Variants in NDUFAF7 observed in about 807,000 individuals in gnomAD.
The protein encoded by NDUFAF7 is NADH:ubiquinone oxidoreductase complex assembly factor 7, also known as protein arginine methyltransferase NDUFAF7, mitochondrial.
A neutral mutation model predicts 47.2 loss-of-function variants in NDUFAF7; 48 were observed. The ratio of observed to expected loss-of-function variants is 1.02; its 90% CI spans 0.81 to 1.29. The LOEUF (loss-of-function observed/expected upper bound fraction) is 1.29. Ranked by LOEUF, NDUFAF7 falls within the 50% of genes most tolerant of loss-of-function variation. The pLI, the probability that NDUFAF7 is intolerant of heterozygous loss-of-function variation, is 0.00. For synonymous variants in NDUFAF7, 217 were observed against 190.0 expected (o/e 1.14, Z -1.17); for missense variants, 635 against 537.6 (o/e 1.18, Z -1.79).
the NDUFAF7 span, among the ~76,000 whole-genome samples, chr2:37,263,326 A>C: frequency 6.6e-6 from 1 of 152,112 alleles, no homozygotes; most frequent in Non-Finnish European, 1.5e-5. Flanking sequence ...TTTGTAATTT[A>C]TTTCTGCTTT....
rs189738341 is a variant in NDUFAF7, at chr2:37,236,551, C to T, written c.297+375C>T. 4.2e-3 allele frequency among the ~76,000 whole-genome samples: 637 copies of T among 151,650 alleles called. 5 individuals carry two copies. The highest frequency in any genetic ancestry group is 0.014 in the African/African-American group (595 of 41,332). On this transcript the variant is annotated intron_variant, in intron 3 of 9. Coordinates refer to ENST00000002125, the MANE Select transcript of NDUFAF7 (RefSeq NM_144736.5). ...CAGCACTTTGGGAGGCCGAGGCAGG[C>T]GGATCACAAGGTCAGGAGATCAAGA...
intron 2 of NDUFAF7, among the ~76,000 whole-genome samples, chr2:37,232,573 T>G (rs980589687): frequency 8.5e-5 from 13 of 152,154 alleles, no homozygotes; most frequent in African/African-American, 2.4e-4. Context: ...TGTGGATTCA[T>G]TGCTTTGGGA....
the NDUFAF7 span, among the ~76,000 whole-genome samples, chr2:37,261,579 G>A: frequency 6.6e-5 from 10 of 151,860 alleles, no homozygotes; most frequent in East Asian, 1.9e-4. Context: ...TCGGGAGTTC[G>A]AGACCAGCCT....
At chr2:37,260,652 C>T in the NDUFAF7 span, among the ~76,000 whole-genome samples, 1 of 152,154 alleles carries the variant, frequency 6.6e-6, no homozygotes, top group Non-Finnish European at 1.5e-5. Flanking sequence ...ACTTTTCCTT[C>T]CTTCTCACTT....
At chr2:37,264,609 G>A in the NDUFAF7 span, among the ~76,000 whole-genome samples, 29 of 152,088 alleles carry the variant, frequency 1.9e-4, no homozygotes, top group Non-Finnish European at 3.5e-4. Flanking sequence ...CGGAGACAAG[G>A]GAGTATGACA....
At chr2:37,235,767 G>A (rs1368440968) in intron 2 of NDUFAF7, among the ~76,000 whole-genome samples, 1 of 151,974 alleles carries the variant, frequency 6.6e-6, no homozygotes, top group Non-Finnish European at 1.5e-5. Flanking sequence ...CCATTTTCCT[G>A]CCTCAGCCTC....
intron 2 of NDUFAF7, among the ~76,000 whole-genome samples, 190 bp downstream of exon 2, chr2:37,232,456 A>C (rs1349028380): frequency 6.6e-6 from 1 of 152,224 alleles, no homozygotes; most frequent in Non-Finnish European, 1.5e-5. Context: ...AGGCAGTGCC[A>C]GTAAAGAGGA....
chr2:37,234,604 A>G (rs1277255120), intron 2 of NDUFAF7, among the ~76,000 whole-genome samples: 3 of 152,218 alleles, frequency 2.0e-5, no homozygotes, highest in Admixed American at 6.5e-5. Flanking sequence ...GGAACTAGAA[A>G]GCCTAGAAGA....
chr2:37,248,319 T>C lies in NDUFAF7; in HGVS notation c.1295T>C (p.Val432Ala), dbSNP rs1667143104. Residue 432 changes from valine (V) to alanine (A), a missense_variant, in exon 10 of 10, where the codon GTA (valine) becomes GCA (alanine). Physicochemically the swap from Val to Ala is moderately conservative, Grantham distance 64. Transcript: ENST00000002125. Reference protein sequence around the residue: ...ARQSKPFASVVAGFSELAWQ With the variant: ...ARQSKPFASVAAGFSELAWQ ...CAGTCAAAACCCTTTGCATCCGTTG[T>C]AGCTGGGTTTAGTGAACTTGCTTGG... The C allele has an allele frequency of 6.2e-7, 1 of 1,614,046 alleles. No individual in the cohort carries two copies. The highest frequency in any genetic ancestry group is 1.1e-5 in the South Asian group (1 of 91,092).
At chr2:37,269,664 G>A in the NDUFAF7 span, 1 of 1,612,354 alleles carries the variant, frequency 6.2e-7, no homozygotes, top group Non-Finnish European at 8.5e-7. Flanking sequence ...CATCTGCAAA[G>A]ATCTGGTAAA....
chr2:37,249,783 T>TA (rs1308652094), downstream of NDUFAF7, among the ~76,000 whole-genome samples: 2 of 152,066 alleles, frequency 1.3e-5, no homozygotes, highest in African/African-American at 4.8e-5. Flanking sequence ...AACAAAGAGT[T>TA]AGAGAATTAT....
the NDUFAF7 span, among the ~76,000 whole-genome samples, chr2:37,270,976 C>T: frequency 6.6e-6 from 1 of 152,074 alleles, no homozygotes; most frequent in Admixed American, 6.5e-5. Flanking sequence ...TTTGATATTC[C>T]TCCTTATCTC....
chr2:37,231,909 A>C, intron 1 of NDUFAF7, 149 bp downstream of exon 1: 9 of 1,589,270 alleles, frequency 5.7e-6, no homozygotes, highest in Non-Finnish European at 7.7e-6. Flanking sequence ...GGTCCGGTAC[A>C]AACGCAATAG....
downstream of NDUFAF7, chr2:37,252,582 A>G (rs1344121257): frequency 6.6e-6 from 1 of 152,120 alleles, no homozygotes; most frequent in Non-Finnish European, 1.5e-5. Flanking sequence ...GTCTTGATTG[A>G]CCTAAAAAAG....
At chr2:37,260,302 T>C in the NDUFAF7 span, 2 of 1,609,234 alleles carry the variant, frequency 1.2e-6, no homozygotes, top group East Asian at 2.2e-5. Context: ...CATATCTCCA[T>C]GCAGCTTTTC....
chr2:37,262,900 C>CA, the NDUFAF7 span, among the ~76,000 whole-genome samples: 9 of 147,490 alleles, frequency 6.1e-5, no homozygotes, highest in East Asian at 2.4e-4. Context: ...TTCCTTCCCC[C>CA]CCCCGTATTT....
intron 4 of NDUFAF7, among the ~76,000 whole-genome samples, chr2:37,239,222 G>A (rs1374687425): frequency 6.6e-6 from 1 of 151,070 alleles, no homozygotes; most frequent in East Asian, 1.9e-4. Flanking sequence ...AGGTTCAGGC[G>A]ATTCTTGTCC....
chr2:37,255,377 G>A (rs1667852781), downstream of NDUFAF7, among the ~76,000 whole-genome samples: 1 of 152,174 alleles, frequency 6.6e-6, no homozygotes, highest in African/African-American at 2.4e-5. Flanking sequence ...CCCAGCACTG[G>A]TTCTATTAAC....
At chr2:37,249,846 T>C (rs1667336246), downstream of NDUFAF7, among the ~76,000 whole-genome samples, 1 of 152,044 alleles carries the variant, frequency 6.6e-6, no homozygotes, top group African/African-American at 2.4e-5. Context: ...ATACTTTCCC[T>C]TGATGTCTTG....
Sources: gnomAD v4.1 joint callset for allele counts (sites outside exome capture counted in the v4.1 genomes callset) on GRCh38, gnomAD v4.1.1 for gene constraint, MANE v1.5 for transcripts, NCBI Gene and HGNC (gene_info 2026-07-23, HGNC 2026-07-21) for gene names.